Variants in PAPPA observed in about 807,000 individuals in gnomAD.
The protein encoded by PAPPA is pappalysin 1.
Under a neutral mutation model 164.0 loss-of-function variants are expected in PAPPA, and 60 were observed. That is an observed-to-expected ratio of 0.37 (90% CI 0.30 to 0.45). The LOEUF (loss-of-function observed/expected upper bound fraction) is 0.45, where lower values mean the gene tolerates loss of function less well. Among genes scored for constraint, PAPPA ranks in the 20% least tolerant of loss-of-function variants. The probability of loss-of-function intolerance (pLI) is 1.00; values close to 1 mark genes in which losing one functional copy is unlikely to be tolerated. For missense variants in PAPPA, 1,782 were observed against 2,087.3 expected, an observed-to-expected ratio of 0.85 and a Z score of 2.85; for synonymous variants, 875 against 814.1, an observed-to-expected ratio of 1.07 and a Z score of -1.27.
chr9:116,298,583 A>G (rs1219137617), intron 9 of PAPPA, among the ~76,000 whole-genome samples: 1 of 152,240 alleles, frequency 6.6e-6, no homozygotes, highest in African/African-American at 2.4e-5. Context: ...CTTCTCCCTA[A>G]GACATAGTCT....
intron 10 of PAPPA, among the ~76,000 whole-genome samples, chr9:116,322,017 A>C (rs867062379): frequency 6.6e-6 from 1 of 152,242 alleles, no homozygotes; most frequent in Non-Finnish European, 1.5e-5. Flanking sequence ...ATGCCTACCC[A>C]AACCTCAGAG....
In PAPPA at chr9:116,344,766, G is replaced by A. The variant is rs1246849216; in HGVS notation, c.3780+55G>A. ...TCTGCAGCCCAGGGAAGGCTTACTG[G>A]GTGTTAACCATGTTCTCTGCTAAAT... is the stretch of plus-strand genomic sequence containing the variant. On this transcript the variant is annotated intron_variant, in intron 14 of 21. Coordinates refer to ENST00000328252, the MANE Select transcript of PAPPA (RefSeq NM_002581.5). 4 of 1,522,184 alleles carry A rather than the reference G, an allele frequency of 2.6e-6. No homozygotes were observed. In the South Asian group the frequency reaches 4.6e-5, roughly 18 times the overall value. The allele number at this position is 1,522,184 out of a possible 1,614,324, so 94.3% of individuals were successfully genotyped here.
At chr9:116,222,454 C>G (rs1435771230) in intron 5 of PAPPA, among the ~76,000 whole-genome samples, 1 of 152,068 alleles carries the variant, frequency 6.6e-6, no homozygotes, top group Non-Finnish European at 1.5e-5. Flanking sequence ...TTGGGTGAGT[C>G]CTAACCCCAT....
At chr9:116,369,592 GA>G (rs1416516539) in intron 19 of PAPPA, among the ~76,000 whole-genome samples, 3 of 152,160 alleles carry the variant, frequency 2.0e-5, no homozygotes, top group African/African-American at 7.2e-5. Flanking sequence ...CCCAGTATCA[GA>G]GATCTTCTTG....
At chr9:116,302,116 A>G (rs1270457346) in intron 9 of PAPPA, among the ~76,000 whole-genome samples, 1 of 152,278 alleles carries the variant, frequency 6.6e-6, no homozygotes, top group East Asian at 1.9e-4. Context: ...GTTATTAAAG[A>G]TGTATGGAAT....
chr9:116,236,123 ATTGTGCTG>A (rs1844662184), intron 7 of PAPPA, among the ~76,000 whole-genome samples: 1 of 152,196 alleles, frequency 6.6e-6, no homozygotes, highest in African/African-American at 2.4e-5. Context: ...TTGCACAAAA[ATTGTGCTG>A]GAAAGTGAAT....
At chr9:116,387,811 C>G (rs1205993666) in intron 21 of PAPPA, among the ~76,000 whole-genome samples, 2 of 152,232 alleles carry the variant, frequency 1.3e-5, no homozygotes, top group African/African-American at 4.8e-5. Context: ...CTGCCTCTAA[C>G]CCCTTGGAAC....
chr9:116,226,387 G>A (rs1844510229), intron 5 of PAPPA, among the ~76,000 whole-genome samples: 1 of 152,176 alleles, frequency 6.6e-6, no homozygotes, highest in African/African-American at 2.4e-5. Context: ...GAACGTCCCT[G>A]TGAGGGGAAA....
At chr9:116,354,779 T>C (rs1846330373) in intron 17 of PAPPA, among the ~76,000 whole-genome samples, 1 of 152,186 alleles carries the variant, frequency 6.6e-6, no homozygotes, top group Non-Finnish European at 1.5e-5. Context: ...CCTGTGCCTC[T>C]TTCCAGTACA....
chr9:116,315,233 G>T (rs1845773337), intron 10 of PAPPA, among the ~76,000 whole-genome samples: 1 of 152,172 alleles, frequency 6.6e-6, no homozygotes, highest in African/African-American at 2.4e-5. Context: ...ACATTACAAA[G>T]GAGATAAGTG....
chr9:116,395,925 T>A (rs1846956591), intron 21 of PAPPA, among the ~76,000 whole-genome samples: 1 of 151,800 alleles, frequency 6.6e-6, no homozygotes, highest in Non-Finnish European at 1.5e-5. Flanking sequence ...CCACATCCTT[T>A]CTTTCACTTG....
chr9:116,157,388 T>A (rs1843616627), intron 1 of PAPPA, among the ~76,000 whole-genome samples: 1 of 152,040 alleles, frequency 6.6e-6, no homozygotes, highest in African/African-American at 2.4e-5. Context: ...AGGAGAAAAA[T>A]ATATATACTA....
chr9:116,254,269 T>A (rs924521573), intron 7 of PAPPA, among the ~76,000 whole-genome samples: 1 of 152,222 alleles, frequency 6.6e-6, no homozygotes, highest in African/African-American at 2.4e-5. Flanking sequence ...GTGAAGGCTA[T>A]TTCGTTGGAT....
At position 116,390,105 on chromosome 9, in the gene PAPPA, C is replaced by G. The variant is rs554594893; in HGVS notation, c.4777-6404C>G. Among the ~76,000 whole-genome samples, 16 of 152,282 alleles carry G rather than the reference C, an allele frequency of 1.1e-4. No individual in the cohort carries two copies. The South Asian group carries it at 3.3e-3, about 32-fold the overall frequency. ...TACTGTACTAGGCCATGAGCAAGAACTTGGTCCCAGCTGAATGAATTCATG... is the reference window on the plus strand; with the variant it reads ...TACTGTACTAGGCCATGAGCAAGAAGTTGGTCCCAGCTGAATGAATTCATG... On this transcript the variant is annotated intron_variant, in intron 21 of 21. Coordinates refer to ENST00000328252, the MANE Select transcript of PAPPA (RefSeq NM_002581.5).
intron 2 of PAPPA, among the ~76,000 whole-genome samples, chr9:116,192,973 C>T (rs996781148): frequency 6.6e-6 from 1 of 152,046 alleles, no homozygotes; most frequent in Admixed American, 6.5e-5. Flanking sequence ...ACCCTGGCAC[C>T]CTCAAGTGAA....
chr9:116,171,854 C>G (rs1843779673), intron 1 of PAPPA, among the ~76,000 whole-genome samples: 1 of 152,054 alleles, frequency 6.6e-6, no homozygotes, highest in African/African-American at 2.4e-5. Flanking sequence ...CAAGACAAAC[C>G]CAAACACATC....
intron 2 of PAPPA, among the ~76,000 whole-genome samples, chr9:116,204,183 T>C (rs904617243): frequency 3.3e-5 from 5 of 152,202 alleles, no homozygotes; most frequent in Admixed American, 1.3e-4. Flanking sequence ...GACTTAAACC[T>C]ACTTGTCCAC....
rs371729753 is a variant in PAPPA, at chr9:116,263,892, A to G, written c.2733-1965A>G. ...CCGCAAATCACTCGTGACACATGCC[A>G]GAAGTGAAAAACACAATGTAGAGAA... On this transcript the variant is annotated intron_variant, in intron 7 of 21. Coordinates refer to ENST00000328252, the MANE Select transcript of PAPPA (RefSeq NM_002581.5). 3.7e-4 allele frequency among the ~76,000 whole-genome samples: 56 copies of G among 152,366 alleles called. No individual in the cohort carries two copies. In the South Asian group the frequency reaches 0.011, roughly 31 times the overall value.
intron 8 of PAPPA, among the ~76,000 whole-genome samples, chr9:116,270,354 G>A (rs1475219557): frequency 6.6e-6 from 1 of 152,216 alleles, no homozygotes; most frequent in African/African-American, 2.4e-5. Flanking sequence ...CATTACAGTA[G>A]CCACTAGCTA....
Sources: gnomAD v4.1 joint callset for allele counts (sites outside exome capture counted in the v4.1 genomes callset) on GRCh38, gnomAD v4.1.1 for gene constraint, MANE v1.5 for transcripts, NCBI Gene and HGNC (gene_info 2026-07-23, HGNC 2026-07-21) for gene names.